SLC37A3: variants seen among roughly 807,000 people sequenced by gnomAD.
The protein encoded by SLC37A3 is solute carrier family 37 member 3.
Under a neutral mutation model 67.1 loss-of-function variants are expected in SLC37A3, and 51 were observed. The ratio of observed to expected loss-of-function variants is 0.76; its 90% CI spans 0.61 to 0.96. The LOEUF is 0.96. SLC37A3 is among the 40% of genes least tolerant of loss of function. SLC37A3 has a pLI of 0.00. For missense variants in SLC37A3, 508 were observed against 603.0 expected, an observed-to-expected ratio of 0.84 and a Z score of 1.65; for synonymous variants, 214 against 231.4, an observed-to-expected ratio of 0.92 and a Z score of 0.68.
chr7:140,381,913 C>T (rs1798268708), intron 2 of SLC37A3, among the ~76,000 whole-genome samples: 1 of 150,840 alleles, frequency 6.6e-6, no homozygotes, highest in African/African-American at 2.4e-5. Flanking sequence ...ACTCGGGAGG[C>T]TGAGGCAGGA....
At chr7:140,341,085 A>C (rs1375819646) in intron 13 of SLC37A3, among the ~76,000 whole-genome samples, 5 of 151,996 alleles carry the variant, frequency 3.3e-5, no homozygotes, top group Admixed American at 3.3e-4. Flanking sequence ...GGCACATACC[A>C]CCATGCTCAG....
rs1432180624 is a variant in SLC37A3 at position 140,343,450 on chromosome 7, C to A, written c.1288G>T (p.Val430Leu). The A allele has an allele frequency of 4.3e-6, 7 of 1,613,994 alleles. No homozygotes were observed. Among genetic ancestry groups the A allele is most frequent in the African/African-American group, 1.3e-5 (1 of 74,932 alleles). The stretch of plus-strand genomic sequence containing the variant: ...GCTCCAATGCTCCCCGAACCATCCA[C>A]AATTCCTGTGACAGTGGCCAAAGCT... ...SEALATVTGIVDGSGSIGAAV... is the reference protein window; with the variant it reads ...SEALATVTGILDGSGSIGAAV... Residue 430 changes from valine to leucine, a missense_variant, in exon 13 of 15, where the codon GTG becomes TTG. Physicochemically the swap from Val to Leu is conservative, Grantham distance 32. Coordinates refer to ENST00000326232, the MANE Select transcript of SLC37A3 (RefSeq NM_207113.3).
intron 1 of SLC37A3, among the ~76,000 whole-genome samples, chr7:140,392,798 A>G (rs1311769199): frequency 6.6e-6 from 1 of 152,194 alleles, no homozygotes; most frequent in African/African-American, 2.4e-5. Flanking sequence ...TAAGGTATAA[A>G]TCAAAAGATA....
intron 10 of SLC37A3, among the ~76,000 whole-genome samples, chr7:140,346,963 G>A (rs907388370): frequency 6.6e-6 from 1 of 151,876 alleles, no homozygotes; most frequent in African/African-American, 2.4e-5. Context: ...GTGCCTTACA[G>A]TATATTGAGG....
intron 5 of SLC37A3, among the ~76,000 whole-genome samples, chr7:140,362,732 G>T (rs1368543717): frequency 1.1e-5 from 1 of 88,734 alleles, no homozygotes; most frequent in African/African-American, 4.2e-5. Flanking sequence ...GAGGTGGGGG[G>T]TCAGCCCCCC....
intron 7 of SLC37A3, among the ~76,000 whole-genome samples, chr7:140,354,108 G>A (rs1353584253): frequency 6.6e-6 from 1 of 152,180 alleles, no homozygotes. Flanking sequence ...CTTTCAACAG[G>A]TTTATCATGG....
chr7:140,381,931 T>C (rs912367188), intron 2 of SLC37A3, among the ~76,000 whole-genome samples: 2 of 150,092 alleles, frequency 1.3e-5, no homozygotes, highest in African/African-American at 4.9e-5. Flanking sequence ...GGAGAATAGC[T>C]TGAACCCAGG....
At chr7:140,361,502 TCCCCCTCCCCCTCC>T (rs1797278323) in intron 5 of SLC37A3, among the ~76,000 whole-genome samples, 1 of 42,346 alleles carries the variant, frequency 2.4e-5, no homozygotes, top group Non-Finnish European at 4.5e-5. Context: ...TCCCTCCCCC[TCCCCCTCCCCCTCC>T]CCCTCCCCCT....
intron 3 of SLC37A3, among the ~76,000 whole-genome samples, chr7:140,377,059 T>C (rs914993223): frequency 4.0e-5 from 6 of 150,834 alleles, no homozygotes; most frequent in East Asian, 2.0e-4. Flanking sequence ...TTCTCCTGCC[T>C]CAGCCTCCCA....
At chr7:140,343,914 T>A in intron 12 of SLC37A3, 1 of 231,372 alleles carries the variant, frequency 4.3e-6, no homozygotes, top group Non-Finnish European at 8.5e-6. Context: ...ATCATTCCAC[T>A]ACACAAATTC....
intron 13 of SLC37A3, among the ~76,000 whole-genome samples, chr7:140,341,106 A>T (rs1211180886): frequency 1.3e-5 from 2 of 151,902 alleles, no homozygotes; most frequent in Non-Finnish European, 2.9e-5. Context: ...CTAACTTTTT[A>T]TTTTTTGTAG....
At position 140,363,765 on chromosome 7, in the gene SLC37A3, AG is replaced by A. The variant is rs987999844; in HGVS notation, c.375+642del. Reference sequence around the variant, plus strand: ...CAAAAAAAAAAAAAAAAAAAAAAAAAGAAAGGAGCGGGATGTTAGCGGCCTG... The same window carrying A: ...CAAAAAAAAAAAAAAAAAAAAAAAAAAAAGGAGCGGGATGTTAGCGGCCTG... On this transcript the variant is annotated intron_variant, in intron 5 of 14. Transcript: ENST00000326232. 4.9e-4 allele frequency among the ~76,000 whole-genome samples: 49 copies of A among 100,402 alleles called. 2 individuals carry two copies. Among genetic ancestry groups the A allele is most frequent in the East Asian group, 1.6e-3 (4 of 2,460 alleles). 65.9% of individuals were successfully genotyped at this position (100,402 alleles called of 152,430 possible).
At chr7:140,367,569 T>C (rs1477695516) in intron 4 of SLC37A3, among the ~76,000 whole-genome samples, 9 of 152,190 alleles carry the variant, frequency 5.9e-5, no homozygotes, top group Admixed American at 4.6e-4. Flanking sequence ...GCGTTTTTAA[T>C]AAGGCACACT....
chr7:140,355,811 T>C, intron 6 of SLC37A3, 47 bp from the exon 7 acceptor site: 1 of 1,520,294 alleles, frequency 6.6e-7, no homozygotes, highest in Non-Finnish European at 9.1e-7. Flanking sequence ...TCAGAAGAGA[T>C]ACTCTGGGCA....
intron 3 of SLC37A3, among the ~76,000 whole-genome samples, chr7:140,373,208 G>A (rs1797893235): frequency 6.7e-6 from 1 of 148,796 alleles, no homozygotes; most frequent in South Asian, 2.1e-4. Context: ...CCCCCTCCTC[G>A]GCCTCCCAAA....
chr7:140,352,373 G>A (rs2117084510), intron 7 of SLC37A3, among the ~76,000 whole-genome samples: 1 of 152,264 alleles, frequency 6.6e-6, no homozygotes, highest in African/African-American at 2.4e-5. Flanking sequence ...TCAGAGAGGA[G>A]AATGAAGCTC....
chr7:140,344,382 C>G (rs949533233), intron 12 of SLC37A3, among the ~76,000 whole-genome samples: 3 of 151,402 alleles, frequency 2.0e-5, no homozygotes, highest in African/African-American at 2.4e-5. Flanking sequence ...TAGCTGAGAT[C>G]GCACCACTGC....
chr7:140,374,553 T>C (rs1332461225), intron 3 of SLC37A3, among the ~76,000 whole-genome samples: 2 of 149,868 alleles, frequency 1.3e-5, no homozygotes, highest in African/African-American at 2.5e-5. Context: ...CCGGGTGCGG[T>C]AGCTCATGCT....
chr7:140,347,892 T>C (rs1796628961), intron 10 of SLC37A3, among the ~76,000 whole-genome samples: 1 of 152,222 alleles, frequency 6.6e-6, no homozygotes, highest in African/African-American at 2.4e-5. Flanking sequence ...ATTTCCCCTT[T>C]ATCCTCAGCA....
Sources: allele counts gnomAD v4.1 joint callset (sites outside exome capture counted in the v4.1 genomes callset), GRCh38; gene constraint gnomAD v4.1.1; transcripts MANE v1.5; gene names NCBI Gene and HGNC (gene_info 2026-07-23, HGNC 2026-07-21).